Variants in SNTG1 observed in about 807,000 individuals in gnomAD.
The protein encoded by SNTG1 is syntrophin gamma 1.
Under a neutral mutation model 74.7 loss-of-function variants are expected in SNTG1, and 39 were observed. The ratio of observed to expected loss-of-function variants is 0.52; its 90% CI spans 0.40 to 0.68. SNTG1 has a LOEUF of 0.68. Among genes scored for constraint, SNTG1 ranks in the 30% least tolerant of loss-of-function variants. The probability of loss-of-function intolerance (pLI) is 0.00; values close to 1 mark genes in which losing one functional copy is unlikely to be tolerated. For synonymous variants in SNTG1, 254 were observed against 217.1 expected (o/e 1.17, Z -1.49); for missense variants, 685 against 609.5 (o/e 1.12, Z -1.30).
intron 1 of SNTG1, among the ~76,000 whole-genome samples, chr8:49,966,377 G>GTCT (rs1228125335): frequency 1.5e-4 from 22 of 151,686 alleles, no homozygotes; most frequent in African/African-American, 5.1e-4. Context: ...GCTTATTCCA[G>GTCT]TCTTTTTTTA....
rs563097267 is a variant in SNTG1 at position 50,416,904 on chromosome 8, C to A, written c.162+14560C>A. 2.6e-5 allele frequency among the ~76,000 whole-genome samples: 4 copies of A among 152,208 alleles called. No homozygotes were observed. In the South Asian group the frequency reaches 8.3e-4, roughly 32 times the overall value. On this transcript the variant is annotated intron_variant, in intron 4 of 18. Coordinates refer to ENST00000642720, the MANE Select transcript of SNTG1 (RefSeq NM_018967.5). ...TTGTTCTGTTCTATCCATAGCTTAACACCTGAGTGACTGTGACGATGATTC... is the reference window on the plus strand; with the variant it reads ...TTGTTCTGTTCTATCCATAGCTTAAAACCTGAGTGACTGTGACGATGATTC...
At chr8:50,418,675 A>T (rs538098458) in intron 4 of SNTG1, among the ~76,000 whole-genome samples, 57 of 152,248 alleles carry the variant, frequency 3.7e-4, no homozygotes, top group African/African-American at 1.3e-3. Flanking sequence ...ATGAAGTTTT[A>T]GTTAAACTTC....
At chr8:50,654,281 G>T (rs541340905) in intron 13 of SNTG1, among the ~76,000 whole-genome samples, 59 of 151,810 alleles carry the variant, frequency 3.9e-4, no homozygotes, top group Admixed American at 3.4e-3. Context: ...CCAAACTTTT[G>T]TCTCTCCAAT....
chr8:50,109,579 A>G (rs2080504176), intron 1 of SNTG1, among the ~76,000 whole-genome samples: 3 of 152,182 alleles, frequency 2.0e-5, no homozygotes, highest in Admixed American at 6.6e-5. Context: ...TCTCAAACTT[A>G]ATGAATAGAA....
chr8:50,701,772 CTT>C (rs1317636527), intron 15 of SNTG1, among the ~76,000 whole-genome samples: 1 of 148,194 alleles, frequency 6.7e-6, no homozygotes, highest in Non-Finnish European at 1.5e-5. Flanking sequence ...TCTTCTTCTT[CTT>C]TCTCTTCCTC....
intron 1 of SNTG1, among the ~76,000 whole-genome samples, chr8:49,914,695 A>G (rs1429083593): frequency 1.3e-5 from 2 of 152,212 alleles, no homozygotes; most frequent in Non-Finnish European, 2.9e-5. Context: ...TCAAGTTCAA[A>G]CATTTATCAA....
intron 1 of SNTG1, among the ~76,000 whole-genome samples, chr8:50,085,161 T>A (rs372056352): frequency 1.3e-5 from 2 of 152,346 alleles, no homozygotes; most frequent in African/African-American, 4.8e-5. Flanking sequence ...AGATAAAGCC[T>A]CTTTTATTTA....
chr8:50,276,837 T>TTTTTC, intron 2 of SNTG1, among the ~76,000 whole-genome samples: 1 of 152,014 alleles, frequency 6.6e-6, no homozygotes, highest in African/African-American at 2.4e-5. Context: ...GTGCATTCTT[T>TTTTTC]TTTTCTTTTC....
chr8:50,298,245 A>C (rs770243449), intron 2 of SNTG1, among the ~76,000 whole-genome samples: 1 of 152,128 alleles, frequency 6.6e-6, no homozygotes, highest in Non-Finnish European at 1.5e-5. Flanking sequence ...CTAAGTATTT[A>C]TATTTCAAGA....
At chr8:50,220,841 C>T (rs2085029128) in intron 2 of SNTG1, among the ~76,000 whole-genome samples, 1 of 152,214 alleles carries the variant, frequency 6.6e-6, no homozygotes, top group South Asian at 2.1e-4. Context: ...CCATCATTCT[C>T]TCCCCTCTTG....
At chr8:50,230,883 G>T (rs1287322781) in intron 2 of SNTG1, among the ~76,000 whole-genome samples, 1 of 149,750 alleles carries the variant, frequency 6.7e-6, no homozygotes, top group Non-Finnish European at 1.5e-5. Context: ...GTCAACAAAA[G>T]CAAAAATAGA....
chr8:50,535,972 A>G (rs962873669), intron 10 of SNTG1, among the ~76,000 whole-genome samples: 1 of 152,184 alleles, frequency 6.6e-6, no homozygotes, highest in Non-Finnish European at 1.5e-5. Context: ...ATAATGAAGG[A>G]AACATGAATC....
chr8:50,318,320 A>G (rs1347795973), intron 2 of SNTG1, among the ~76,000 whole-genome samples: 3 of 152,188 alleles, frequency 2.0e-5, no homozygotes, highest in African/African-American at 7.2e-5. Context: ...TGTGGAAAGC[A>G]TTGGATACAA....
At chr8:50,644,651 T>C (rs1284963069) in intron 13 of SNTG1, among the ~76,000 whole-genome samples, 2 of 152,132 alleles carry the variant, frequency 1.3e-5, no homozygotes, top group African/African-American at 4.8e-5. Flanking sequence ...ATACATTAAA[T>C]TTTAACTGTG....
intron 13 of SNTG1, among the ~76,000 whole-genome samples, chr8:50,655,749 C>A (rs1026423622): frequency 6.6e-6 from 1 of 152,168 alleles, no homozygotes; most frequent in African/African-American, 2.4e-5. Flanking sequence ...ATTTCAAATT[C>A]TTGCATTGTT....
intron 15 of SNTG1, among the ~76,000 whole-genome samples, chr8:50,691,102 T>A (rs981433960): frequency 3.3e-5 from 5 of 152,196 alleles, no homozygotes; most frequent in African/African-American, 9.7e-5. Flanking sequence ...ATTTGCTTGG[T>A]AGATCTCCCT....
intron 1 of SNTG1, among the ~76,000 whole-genome samples, chr8:50,133,808 C>G (rs1228252025): frequency 6.6e-6 from 1 of 152,292 alleles, no homozygotes; most frequent in South Asian, 2.1e-4. Context: ...CCATTTATAC[C>G]TGCAATGGCT....
chr8:50,394,171 C>T (rs1193091589), intron 2 of SNTG1, 41 bp from the exon 3 acceptor site: 4 of 1,510,082 alleles, frequency 2.6e-6, no homozygotes, highest in Non-Finnish European at 3.7e-6. Context: ...TCTTACATGC[C>T]ATGCTGTGCC....
At chr8:50,567,124 G>A (rs762323242) in intron 12 of SNTG1, among the ~76,000 whole-genome samples, 5 of 152,012 alleles carry the variant, frequency 3.3e-5, no homozygotes, top group Non-Finnish European at 7.4e-5. Context: ...GATGAAACTG[G>A]ACAAAATTAG....
Sources: allele counts gnomAD v4.1 joint callset (sites outside exome capture counted in the v4.1 genomes callset), GRCh38; gene constraint gnomAD v4.1.1; transcripts MANE v1.5; gene names NCBI Gene and HGNC (gene_info 2026-07-23, HGNC 2026-07-21).